The following STK40 variants were observed in gnomAD, a reference collection of about 807,000 sequenced individuals.
STK40 encodes the protein serine/threonine-protein kinase 40.
A neutral mutation model predicts 47.9 loss-of-function variants in STK40; 13 were observed. The ratio of observed to expected loss-of-function variants is 0.27; its 90% CI spans 0.18 to 0.43. The LOEUF is 0.43. STK40 is among the 20% of genes least tolerant of loss of function. The pLI is 1.00. For synonymous variants in STK40, 225 were observed against 243.2 expected (o/e 0.93, Z 0.69); for missense variants, 460 against 595.1 (o/e 0.77, Z 2.36).
intron 10 of STK40, chr1:36,343,048 C>G: frequency 1.7e-6 from 1 of 601,998 alleles, no homozygotes; most frequent in African/African-American, 1.9e-5. Flanking sequence ...AACTCTGAGT[C>G]AGGGGGCAGA....
At chr1:36,384,470 A>G (rs1017496038) in intron 1 of STK40, among the ~76,000 whole-genome samples, 3 of 152,206 alleles carry the variant, frequency 2.0e-5, no homozygotes, top group Non-Finnish European at 4.4e-5. Flanking sequence ...TATGTTTTAC[A>G]TGTTAACTTT....
Position 36,340,672 on chromosome 1 carries a change from C to T in STK40, c.*1083G>A, listed in dbSNP as rs569830206. On this transcript the variant is annotated 3_prime_UTR_variant, in exon 11 of 11. Transcript: ENST00000373132. ...TGTTCTCAAGCCAGGCAGGCAGGGT[C>T]CCCCAATCCCTACAATTCTCCTGAG... The T allele has an allele frequency of 5.7e-4, 87 of 152,798 alleles. No individual in the cohort carries two copies. The highest frequency in any genetic ancestry group is 9.5e-4 in the Non-Finnish European group (65 of 68,182). The allele number at this position is 152,798 out of a possible 1,614,324, so 9.5% of individuals were successfully genotyped here.
At chr1:36,359,164 T>C (rs1355508683) in intron 2 of STK40, among the ~76,000 whole-genome samples, 1 of 152,172 alleles carries the variant, frequency 6.6e-6, no homozygotes, top group African/African-American at 2.4e-5. Context: ...CCCAACACTT[T>C]GGGAGGCTGA....
intron 1 of STK40, among the ~76,000 whole-genome samples, chr1:36,380,708 T>C (rs931195696): frequency 6.6e-6 from 1 of 152,182 alleles, no homozygotes. Context: ...TGAAGATTTA[T>C]CGCTTTATAG....
intron 7 of STK40, among the ~76,000 whole-genome samples, chr1:36,345,076 GCAATACAGC>G (rs1216566574): frequency 1.3e-5 from 2 of 152,162 alleles, no homozygotes; most frequent in Non-Finnish European, 1.5e-5. Flanking sequence ...CCACCCAGCA[GCAATACAGC>G]CATTGTCTGA....
At chr1:36,370,107 T>C (rs1041361263) in intron 1 of STK40, among the ~76,000 whole-genome samples, 1 of 152,222 alleles carries the variant, frequency 6.6e-6, no homozygotes, top group Non-Finnish European at 1.5e-5. Flanking sequence ...ATGTCAGAAA[T>C]GCATGAGGCA....
intron 1 of STK40, among the ~76,000 whole-genome samples, chr1:36,376,549 T>C (rs1646993744): frequency 6.6e-6 from 1 of 151,890 alleles, no homozygotes; most frequent in South Asian, 2.1e-4. Context: ...ACCATAAAAA[T>C]CAACACACAC....
At chr1:36,364,687 G>A (rs1055138996) in intron 1 of STK40, among the ~76,000 whole-genome samples, 6 of 151,566 alleles carry the variant, frequency 4.0e-5, no homozygotes, top group Admixed American at 2.6e-4. Context: ...GGCTGGGTGC[G>A]GTGGCTCATG....
At chr1:36,381,709 C>T (rs1647040968) in intron 1 of STK40, among the ~76,000 whole-genome samples, 1 of 152,042 alleles carries the variant, frequency 6.6e-6, no homozygotes, top group African/African-American at 2.4e-5. Context: ...GGCTGGTCTT[C>T]AATTTCTGGG....
chr1:36,363,447 C>G (rs1384013955), intron 1 of STK40, among the ~76,000 whole-genome samples: 2 of 152,266 alleles, frequency 1.3e-5, no homozygotes, highest in Admixed American at 1.3e-4. Context: ...ACACAGGCTC[C>G]TTGGTACAAA....
At chr1:36,350,364 TC>T (rs946987110) in intron 6 of STK40, among the ~76,000 whole-genome samples, 22 of 152,220 alleles carry the variant, frequency 1.4e-4, no homozygotes, top group African/African-American at 4.8e-4. Context: ...GTGGGTTTTC[TC>T]CCCTGGTCAG....
At position 36,346,246 on chromosome 1, in the gene STK40, G is replaced by A. The variant is rs184690977; in HGVS notation, c.740-1982C>T. Among the ~76,000 whole-genome samples the A allele has an allele frequency of 3.6e-4, 55 of 151,746 alleles. No individual in the cohort carries two copies. In the East Asian group the frequency reaches 0.01, roughly 28 times the overall value. On this transcript the variant is annotated intron_variant, in intron 7 of 10. Transcript: ENST00000373132. Reference sequence around the variant, plus strand: ...CCTGACCTCGTGATTTGCCCGCCTCGGCCTCCCAAAATGTTGGGATTACAG... The same window carrying A: ...CCTGACCTCGTGATTTGCCCGCCTCAGCCTCCCAAAATGTTGGGATTACAG...
intron 9 of STK40, 101 bp downstream of exon 9, chr1:36,343,759 C>T: frequency 1.3e-6 from 2 of 1,481,984 alleles, no homozygotes; most frequent in Non-Finnish European, 1.8e-6. Context: ...CTGACTCTAA[C>T]TGGCAGAGAA....
intron 1 of STK40, among the ~76,000 whole-genome samples, chr1:36,375,962 C>T (rs889918150): frequency 6.6e-6 from 1 of 151,728 alleles, no homozygotes; most frequent in Non-Finnish European, 1.5e-5. Context: ...GCGTAGGCTG[C>T]AGTGCGCTGA....
intron 6 of STK40, among the ~76,000 whole-genome samples, chr1:36,351,860 G>A (rs1317781543): frequency 1.3e-5 from 2 of 152,222 alleles, no homozygotes; most frequent in African/African-American, 2.4e-5. Context: ...ACCCTGGGAT[G>A]TTCATTTACA....
intron 3 of STK40, 106 bp downstream of exon 3, chr1:36,358,631 G>A (rs550171111): frequency 7.7e-6 from 10 of 1,293,710 alleles, no homozygotes; most frequent in East Asian, 4.8e-5. Context: ...AAGAAATGGC[G>A]CTACTCTTGT....
chr1:36,354,477 C>A, intron 5 of STK40, 61 bp from the exon 6 acceptor site: 1 of 1,575,460 alleles, frequency 6.3e-7, no homozygotes, highest in Non-Finnish European at 8.7e-7. Context: ...CAGGGCCCAC[C>A]CTGTAAGATG....
At chr1:36,363,578 G>A (rs1244450489) in intron 1 of STK40, among the ~76,000 whole-genome samples, 1 of 151,672 alleles carries the variant, frequency 6.6e-6, no homozygotes, top group South Asian at 2.1e-4. Flanking sequence ...AGGCCGAAGC[G>A]GGCGGATCAC....
chr1:36,343,254 A>G (rs1343806470), intron 10 of STK40, 110 bp downstream of exon 10: 1 of 1,231,070 alleles, frequency 8.1e-7, no homozygotes. Context: ...AAGAAGACCA[A>G]GGAAACTCTG....
Sources: allele counts gnomAD v4.1 joint callset (sites outside exome capture counted in the v4.1 genomes callset), GRCh38; gene constraint gnomAD v4.1.1; transcripts MANE v1.5; gene names NCBI Gene and HGNC (gene_info 2026-07-23, HGNC 2026-07-21).